VAV2: variants seen among roughly 807,000 people sequenced by gnomAD.
The protein encoded by VAV2 is guanine nucleotide exchange factor VAV2.
Under a neutral mutation model 132.5 loss-of-function variants are expected in VAV2, and 67 were observed. The observed-to-expected ratio is 0.51, with a 90% confidence interval of 0.42 to 0.62. The LOEUF (loss-of-function observed/expected upper bound fraction) is 0.62. Ranked by LOEUF, VAV2 falls within the 20% of genes least tolerant of loss-of-function variation. The probability of loss-of-function intolerance (pLI) is 0.00; values close to 1 mark genes in which losing one functional copy is unlikely to be tolerated. For missense variants in VAV2, 938 were observed against 1,153.6 expected (o/e 0.81, Z 2.71); for synonymous variants, 492 against 443.5 (o/e 1.11, Z -1.37).
Position 133,912,327 on chromosome 9 carries a change from CAT to C in VAV2, c.321+26774_321+26775del, listed in dbSNP as rs1350944900. Among the ~76,000 whole-genome samples the C allele has an allele frequency of 1.3e-5, 2 of 152,214 alleles. No individual in the cohort carries two copies. The highest frequency in any genetic ancestry group is 2.9e-5 in the Non-Finnish European group (2 of 68,038). On this transcript the variant is annotated intron_variant, in intron 2 of 29. Transcript: ENST00000371850. This position sits in a 1 kb window ranked among gnomAD's most constrained non-coding sequence, Gnocchi z 4.3. ...CGGGAAGGCCTTCCAGGTCTGGGAA[CAT>C]GAGACCCGGGCTGAACACGAGGCTA...
chr9:133,974,701 C>T (rs1329383436), intron 1 of VAV2, among the ~76,000 whole-genome samples: 1 of 152,142 alleles, frequency 6.6e-6, no homozygotes, highest in African/African-American at 2.4e-5. Flanking sequence ...GCCATTCACC[C>T]ACTCAGAAAA....
chr9:133,990,204 C>T (rs1023887413), intron 1 of VAV2, among the ~76,000 whole-genome samples: 1 of 152,150 alleles, frequency 6.6e-6, no homozygotes, highest in Admixed American at 6.5e-5. Flanking sequence ...GGCCCCTACA[C>T]GCCCTCCACG....
In VAV2 at chr9:133,973,755, C is replaced by T. The variant is rs114749575; in HGVS notation, c.204+18320G>A. Among the ~76,000 whole-genome samples the T allele has an allele frequency of 7.4e-3, 1,123 of 152,310 alleles. 11 individuals are homozygous for T. Among genetic ancestry groups the T allele is most frequent in the African/African-American group, 0.026 (1,060 of 41,556 alleles). Reference sequence around the variant, plus strand: ...GACATTGCCAGTGTGTGGCTACCCACGCCTACCCACCCATCAACACCCCCA... The same window carrying T: ...GACATTGCCAGTGTGTGGCTACCCATGCCTACCCACCCATCAACACCCCCA... On this transcript the variant is annotated intron_variant, in intron 1 of 29. Coordinates refer to ENST00000371850, the MANE Select transcript of VAV2 (RefSeq NM_001134398.2).
At chr9:133,876,677 A>AG (rs1350641371) in intron 2 of VAV2, among the ~76,000 whole-genome samples, 1 of 152,100 alleles carries the variant, frequency 6.6e-6, no homozygotes, top group Non-Finnish European at 1.5e-5. Flanking sequence ...GGACCGCGGG[A>AG]GGGGGGCGGC....
At chr9:133,881,181 C>T (rs1200961050) in intron 2 of VAV2, among the ~76,000 whole-genome samples, 1 of 152,232 alleles carries the variant, frequency 6.6e-6, no homozygotes, top group African/African-American at 2.4e-5. Context: ...TCCCACCATA[C>T]GACCCGGAGA....
chr9:133,809,531 A>G (rs534931941), intron 6 of VAV2, among the ~76,000 whole-genome samples: 7 of 152,222 alleles, frequency 4.6e-5, no homozygotes, highest in African/African-American at 9.6e-5. Flanking sequence ...TACTGTGTGC[A>G]TAAGTCCTCT....
chr9:133,843,850 G>A (rs893048862), intron 3 of VAV2, among the ~76,000 whole-genome samples: 1 of 152,196 alleles, frequency 6.6e-6, no homozygotes, highest in African/African-American at 2.4e-5. Context: ...AAGTAGGAGG[G>A]TCTCTGTCCC....
At chr9:133,861,114 G>C in intron 3 of VAV2, 1 of 435,538 alleles carries the variant, frequency 2.3e-6, no homozygotes, top group East Asian at 3.7e-5. Flanking sequence ...TTAATTTGCT[G>C]ATCTTATTAC....
intron 8 of VAV2, among the ~76,000 whole-genome samples, chr9:133,806,451 G>A (rs1056216619): frequency 2.6e-5 from 4 of 152,324 alleles, no homozygotes; most frequent in Admixed American, 2.0e-4. Flanking sequence ...GCCGACTCGG[G>A]GCGGGCTCTG....
intron 4 of VAV2, 69 bp from the exon 5 acceptor site, chr9:133,812,285 A>G: frequency 3.5e-6 from 5 of 1,441,210 alleles, no homozygotes; most frequent in Non-Finnish European, 4.9e-6. Flanking sequence ...GCCGCAGAGC[A>G]CGAGGGTCCA....
At position 133,931,046 on chromosome 9, in the gene VAV2, C is replaced by T. The variant is rs538544188; in HGVS notation, c.321+8057G>A. ...TCCTCTGGGAAGGTTCATTCCGCCC[C>T]GAGTGAGGCTGGAGTGAAGTGCACT... On this transcript the variant is annotated intron_variant, in intron 2 of 29. Coordinates refer to ENST00000371850, the MANE Select transcript of VAV2 (RefSeq NM_001134398.2). Among the ~76,000 whole-genome samples the T allele has an allele frequency of 5.3e-5, 8 of 152,332 alleles. No homozygotes were observed. In the South Asian group the frequency reaches 1.7e-3, roughly 32 times the overall value.
At chr9:133,807,117 C>T (rs946873603) in intron 8 of VAV2, 141 bp downstream of exon 8, 12 of 932,876 alleles carry the variant, frequency 1.3e-5, no homozygotes, top group African/African-American at 3.4e-5. Context: ...GCGGTGGGGG[C>T]TCCTCCTTCC....
At chr9:133,858,448 A>T (rs1420516875) in intron 3 of VAV2, among the ~76,000 whole-genome samples, 2 of 152,114 alleles carry the variant, frequency 1.3e-5, no homozygotes, top group African/African-American at 4.8e-5. Flanking sequence ...GGAGGGGATA[A>T]ATGGAAACCC....
rs967326921 is a variant in VAV2, at chr9:133,834,404, G to C, written c.381-64C>G. On this transcript the variant is annotated intron_variant, in intron 3 of 29. Transcript: ENST00000371850. This position sits in a 1 kb window ranked among gnomAD's most constrained non-coding sequence, Gnocchi z 5.9. ...GGCACTGCCGGCCAGTGGGACCCCA[G>C]CTGGACCCCACAGCAGAGCCCAGTG... is the stretch of plus-strand genomic sequence containing the variant. 1.2e-5 allele frequency: 18 copies of C among 1,543,518 alleles called. No homozygotes were observed. Among genetic ancestry groups the C allele is most frequent in the Admixed American group, 1.8e-5 (1 of 54,950 alleles).
chr9:133,864,480 C>A (rs1837722574), intron 2 of VAV2, among the ~76,000 whole-genome samples: 1 of 152,206 alleles, frequency 6.6e-6, no homozygotes, highest in Non-Finnish European at 1.5e-5. Flanking sequence ...TCCTGGATGG[C>A]AGCCCTGGCT....
chr9:133,822,985 T>G (rs1196443022), intron 4 of VAV2, among the ~76,000 whole-genome samples: 1 of 152,186 alleles, frequency 6.6e-6, no homozygotes, highest in East Asian at 1.9e-4. Flanking sequence ...GCACCCACCT[T>G]GCAGAGTTGT....
chr9:133,861,222 C>T lies in VAV2; in HGVS notation c.380+152G>A, dbSNP rs915868274. ...CGCCCCCCACACCCCTTCCTGCAGCCGCCAACGGGTTACGCGACAACACGC... is the reference window on the plus strand; with the variant it reads ...CGCCCCCCACACCCCTTCCTGCAGCTGCCAACGGGTTACGCGACAACACGC... On this transcript the variant is annotated intron_variant, in intron 3 of 29. Coordinates refer to ENST00000371850, the MANE Select transcript of VAV2 (RefSeq NM_001134398.2). 3.7e-5 allele frequency: 31 copies of T among 828,450 alleles called. No individual in the cohort carries two copies. The African/African-American group carries it at 5.1e-4, about 14-fold the overall frequency. 51.3% of individuals were successfully genotyped at this position (828,450 alleles called of 1,614,324 possible). A position where few individuals can be genotyped will look rare whatever the true frequency, so the allele number is the denominator to read the frequency against.
chr9:133,900,592 C>T (rs952555650), intron 2 of VAV2, among the ~76,000 whole-genome samples: 13 of 151,566 alleles, frequency 8.6e-5, no homozygotes, highest in East Asian at 5.8e-4. Flanking sequence ...GGAAGGGGCG[C>T]GGCTCAGAGA....
At chr9:133,895,879 C>A (rs1453271483) in intron 2 of VAV2, among the ~76,000 whole-genome samples, 1 of 151,908 alleles carries the variant, frequency 6.6e-6, no homozygotes, top group African/African-American at 2.4e-5. Context: ...TCTTGTAAGG[C>A]CAGAGTTGTC....
Sources: gnomAD v4.1 joint callset for allele counts (sites outside exome capture counted in the v4.1 genomes callset) on GRCh38, gnomAD v4.1.1 for gene constraint, Gnocchi (gnomAD v3.1) non-coding constraint, MANE v1.5 for transcripts, NCBI Gene and HGNC (gene_info 2026-07-23, HGNC 2026-07-21) for gene names.